The following RAB27A variants were observed in gnomAD, a reference collection of about 807,000 sequenced individuals.
The protein encoded by RAB27A is ras-related protein Rab-27A.
Under a neutral mutation model 20.8 loss-of-function variants are expected in RAB27A, and 17 were observed. The observed-to-expected ratio is 0.82, with a 90% CI of 0.56 to 1.23. The LOEUF is 1.23. RAB27A is among the 50% of genes most tolerant of loss of function. RAB27A has a pLI of 0.00. For synonymous variants in RAB27A, 85 were observed against 92.8 expected (o/e 0.92, Z 0.48); for missense variants, 277 against 266.7 (o/e 1.04, Z -0.27).
chr15:55,206,321 A>G, intron 6 of RAB27A: 1 of 782,312 alleles, frequency 1.3e-6, no homozygotes, highest in Non-Finnish European at 1.6e-6. Context: ...TGGAAGACAG[A>G]GACAGAATTA....
intron 2 of RAB27A, among the ~76,000 whole-genome samples, chr15:55,248,526 T>C (rs1409979735): frequency 6.6e-6 from 1 of 152,106 alleles, no homozygotes; most frequent in East Asian, 1.9e-4. Context: ...CAGGAAGAGT[T>C]TTTCCCCTGC....
At chr15:55,318,571 G>A (rs796585386) in intron 1 of RAB27A, among the ~76,000 whole-genome samples, 17 of 150,984 alleles carry the variant, frequency 1.1e-4, no homozygotes, top group Non-Finnish European at 2.5e-4. Context: ...AGGCGTGGTG[G>A]CGCGCCTGTA....
At chr15:55,292,132 CAG>C (rs1377700607), upstream of RAB27A, among the ~76,000 whole-genome samples, 1 of 152,176 alleles carries the variant, frequency 6.6e-6, no homozygotes, top group Non-Finnish European at 1.5e-5. Context: ...GGAGAAATAA[CAG>C]AGGCTGTGCG....
At position 55,302,920 on chromosome 15, in the gene RAB27A, G is replaced by A. The variant is rs1278416364; in HGVS notation, c.-112+11119C>T. 5.0e-5 allele frequency among the ~76,000 whole-genome samples: 7 copies of A among 140,128 alleles called. No individual in the cohort carries two copies. The East Asian group carries it at 1.7e-3, about 34-fold the overall frequency. 91.9% of individuals were successfully genotyped at this position (140,128 alleles called of 152,430 possible). Reference sequence around the variant, plus strand: ...AAGTGAGGAGCCTCTCCGCCCGGCAGCCACCCCATCTGGGAAGTGAGGAGC... The same window carrying A: ...AAGTGAGGAGCCTCTCCGCCCGGCAACCACCCCATCTGGGAAGTGAGGAGC... On this transcript the variant is annotated intron_variant, in intron 2 of 5. Transcript: ENST00000563262.
At chr15:55,210,089 T>C (rs914705024) in intron 6 of RAB27A, among the ~76,000 whole-genome samples, 4 of 131,432 alleles carry the variant, frequency 3.0e-5, no homozygotes, top group Non-Finnish European at 6.5e-5. Flanking sequence ...TATATACACA[T>C]ATATGTGTGT....
chr15:55,252,194 CA>C (rs1896914026), intron 2 of RAB27A, among the ~76,000 whole-genome samples: 1 of 152,108 alleles, frequency 6.6e-6, no homozygotes, highest in South Asian at 2.1e-4. Flanking sequence ...CCCACAGCAA[CA>C]GTAGCTAGAA....
chr15:55,248,251 T>C (rs1349012035), intron 2 of RAB27A, among the ~76,000 whole-genome samples: 4 of 152,148 alleles, frequency 2.6e-5, no homozygotes, highest in Non-Finnish European at 5.9e-5. Flanking sequence ...CCACACCCCA[T>C]GCTGTGTTCC....
At chr15:55,209,834 A>G (rs907113249) in intron 6 of RAB27A, among the ~76,000 whole-genome samples, 3 of 119,384 alleles carry the variant, frequency 2.5e-5, no homozygotes, top group Non-Finnish European at 4.9e-5. Flanking sequence ...ATATACATAT[A>G]TGTGTGTACA....
chr15:55,258,039 C>G (rs1199312776), intron 2 of RAB27A, among the ~76,000 whole-genome samples: 1 of 148,102 alleles, frequency 6.8e-6, no homozygotes, highest in Non-Finnish European at 1.5e-5. Flanking sequence ...TGCACTCCAG[C>G]CTGGGCGATA....
chr15:55,215,445 G>C (rs1895238035), intron 6 of RAB27A, among the ~76,000 whole-genome samples: 1 of 151,540 alleles, frequency 6.6e-6, no homozygotes, highest in South Asian at 2.1e-4. Flanking sequence ...GAGGTCAGGA[G>C]ATCGAGACCA....
chr15:55,293,923 A>AAG (rs2141139891), upstream of RAB27A, among the ~76,000 whole-genome samples: 1 of 152,338 alleles, frequency 6.6e-6, no homozygotes, highest in East Asian at 1.9e-4. Context: ...AGATAAAAAA[A>AAG]AAAGAAAAGA....
intron 6 of RAB27A, among the ~76,000 whole-genome samples, chr15:55,208,168 T>C (rs933176629): frequency 4.6e-5 from 7 of 152,208 alleles, no homozygotes; most frequent in East Asian, 3.8e-4. Flanking sequence ...CAATGAATTA[T>C]ACAATGCTTA....
chr15:55,230,775 C>T (rs981993401), intron 3 of RAB27A, among the ~76,000 whole-genome samples: 2 of 152,030 alleles, frequency 1.3e-5, no homozygotes, highest in South Asian at 4.1e-4. Context: ...TCTCTTGGGT[C>T]ACTAGTTTCA....
At chr15:55,206,924 C>G (rs968083569) in intron 6 of RAB27A, among the ~76,000 whole-genome samples, 4 of 152,094 alleles carry the variant, frequency 2.6e-5, no homozygotes, top group African/African-American at 9.7e-5. Flanking sequence ...TTTCATATAA[C>G]TTGCAAACGG....
At chr15:55,230,324 G>A (rs1354756340) in intron 4 of RAB27A, 77 bp downstream of exon 4, 12 of 1,384,164 alleles carry the variant, frequency 8.7e-6, no homozygotes, top group African/African-American at 1.4e-5. Context: ...GCTTTTTCCT[G>A]CTCAGGTCAC....
chr15:55,246,122 C>G (rs1242469079), intron 2 of RAB27A, among the ~76,000 whole-genome samples: 2 of 151,066 alleles, frequency 1.3e-5, no homozygotes, highest in Non-Finnish European at 2.9e-5. Context: ...AATATATATA[C>G]ACATTTATAA....
chr15:55,291,925 G>C (rs1434494642), upstream of RAB27A, among the ~76,000 whole-genome samples: 1 of 152,176 alleles, frequency 6.6e-6, no homozygotes, highest in Non-Finnish European at 1.5e-5. Context: ...TGTTATTGGA[G>C]CACAGATAAA....
chr15:55,246,255 C>A (rs1471026919), intron 2 of RAB27A, among the ~76,000 whole-genome samples: 3 of 152,008 alleles, frequency 2.0e-5, no homozygotes, highest in Admixed American at 2.0e-4. Flanking sequence ...AGAAATCCAT[C>A]AACTATTTCT....
intron 6 of RAB27A, among the ~76,000 whole-genome samples, chr15:55,207,776 A>G (rs552973036): frequency 1.5e-3 from 221 of 152,110 alleles, no homozygotes; most frequent in African/African-American, 5.0e-3. Flanking sequence ...TCTGCCTCCC[A>G]AGTTCAAGCG....
Sources: gnomAD v4.1 joint callset for allele counts (sites outside exome capture counted in the v4.1 genomes callset) on GRCh38, gnomAD v4.1.1 for gene constraint, MANE v1.5 for transcripts, NCBI Gene and HGNC (gene_info 2026-07-23, HGNC 2026-07-21) for gene names.